The following CARMIL1 variants were observed in gnomAD, a reference collection of about 807,000 sequenced individuals.
CARMIL1 encodes F-actin-uncapping protein LRRC16A.
CARMIL1 carries 90 observed loss-of-function variants against 177.1 expected under a neutral mutation model. The ratio of observed to expected loss-of-function variants is 0.51; its 90% CI spans 0.43 to 0.61. CARMIL1 has a LOEUF of 0.61. CARMIL1 is among the 20% of genes least tolerant of loss of function. The pLI is 0.00. For missense variants in CARMIL1, 1,380 were observed against 1,667.0 expected (o/e 0.83, Z 3.00); for synonymous variants, 577 against 606.2 (o/e 0.95, Z 0.71).
chr6:25,517,576 T>C (rs756870472), intron 22 of CARMIL1, among the ~76,000 whole-genome samples, 161 bp downstream of exon 22: 14 of 152,232 alleles, frequency 9.2e-5, no homozygotes, highest in Admixed American at 2.0e-4. Context: ...TTGGAAGACA[T>C]TGAATTTCTC....
intron 2 of CARMIL1, among the ~76,000 whole-genome samples, chr6:25,318,571 T>C (rs1784444717): frequency 6.6e-6 from 1 of 152,150 alleles, no homozygotes; most frequent in Admixed American, 6.5e-5. Context: ...TCTTGTTCCC[T>C]TTTCTCTGCC....
Position 25,515,589 on chromosome 6 carries a change from C to A in CARMIL1, c.1633-86C>A. ...ATCAGACACGTGCAGTAGGTCCATC[C>A]CCTCTCATTCTCCACGAAATGCGTC... On this transcript the variant is annotated intron_variant, in intron 20 of 36. Transcript: ENST00000329474. The surrounding 1 kb of genome is among the most constrained non-coding windows in gnomAD (Gnocchi z 5.0). 7.9e-7 allele frequency: 1 copy of A among 1,259,810 alleles called. No individual in the cohort carries two copies. The highest frequency in any genetic ancestry group is 1.5e-5 in the South Asian group (1 of 64,710). The allele number at this position is 1,259,810 out of a possible 1,614,324, so 78.0% of individuals were successfully genotyped here. A position where few individuals can be genotyped will look rare whatever the true frequency, so the allele number is the denominator to read the frequency against.
chr6:25,342,080 G>A (rs1419639867), intron 2 of CARMIL1, among the ~76,000 whole-genome samples: 1 of 152,224 alleles, frequency 6.6e-6, no homozygotes, highest in East Asian at 1.9e-4. Context: ...TAGCTAGTGG[G>A]CAGCCCACAT....
chr6:25,515,017 A>G lies in CARMIL1; in HGVS notation c.1633-658A>G, dbSNP rs368692334. Among the ~76,000 whole-genome samples the G allele has an allele frequency of 1.1e-4, 16 of 152,298 alleles. No individual in the cohort carries two copies. Among genetic ancestry groups the G allele is most frequent in the East Asian group, 5.8e-4 (3 of 5,182 alleles). On this transcript the variant is annotated intron_variant, in intron 20 of 36. Transcript: ENST00000329474. This position sits in a 1 kb window ranked among gnomAD's most constrained non-coding sequence, Gnocchi z 5.0. Reference sequence around the variant, plus strand: ...GGAGATGTGGTATAGGGTTAGGAGCATGAAATCTGGAACCAGTACATCTGG... The same window carrying G: ...GGAGATGTGGTATAGGGTTAGGAGCGTGAAATCTGGAACCAGTACATCTGG...
chr6:25,609,220 A>C (rs536970942), intron 35 of CARMIL1, among the ~76,000 whole-genome samples: 1 of 151,980 alleles, frequency 6.6e-6, no homozygotes. Flanking sequence ...TAATCCCAAC[A>C]CTTTGGGAGG....
At position 25,577,228 on chromosome 6, in the gene CARMIL1, A is replaced by G; in HGVS notation, c.2743-3696A>G. On this transcript the variant is annotated intron_variant, in intron 29 of 36. Transcript: ENST00000329474. This position sits in a 1 kb window ranked among gnomAD's most constrained non-coding sequence, Gnocchi z 4.5. ...ATCTCCAGCCATGTGCCTGAAAGCA[A>G]GCAGAGTGTTGATGAAGAGGATACA... The G allele has an allele frequency of 1.8e-6, 1 of 571,128 alleles. No individual in the cohort carries two copies. The highest frequency in any genetic ancestry group is 2.2e-6 in the Non-Finnish European group (1 of 451,514). The allele number at this position is 571,128 out of a possible 1,614,324, so 35.4% of individuals were successfully genotyped here.
intron 2 of CARMIL1, among the ~76,000 whole-genome samples, chr6:25,362,077 A>G (rs1023009280): frequency 1.3e-5 from 2 of 152,202 alleles, no homozygotes; most frequent in Non-Finnish European, 1.5e-5. Flanking sequence ...AAAATGAACT[A>G]AGGCGGGTTC....
rs1395735117 is a variant in CARMIL1, at chr6:25,459,260, TTCTTTC to T, written c.615-6611_615-6606del. 4.6e-4 allele frequency among the ~76,000 whole-genome samples: 57 copies of T among 125,258 alleles called. 1 individual carries two copies. Among genetic ancestry groups the T allele is most frequent in the African/African-American group, 1.6e-3 (55 of 34,450 alleles). The allele number at this position is 125,258 out of a possible 152,430, so 82.2% of individuals were successfully genotyped here. A position where few individuals can be genotyped will look rare whatever the true frequency, so the allele number is the denominator to read the frequency against. ...TTTCTTTCTTTCTTTCTTTCTTTCT[TTCTTTC>T]TTTTTTTTTTTTTTAAGACAGGGTC... is the stretch of plus-strand genomic sequence containing the variant. On this transcript the variant is annotated intron_variant, in intron 8 of 36. Transcript: ENST00000329474.
intron 5 of CARMIL1, among the ~76,000 whole-genome samples, chr6:25,445,879 A>G (rs1798185374): frequency 6.6e-6 from 1 of 152,162 alleles, no homozygotes; most frequent in Non-Finnish European, 1.5e-5. Flanking sequence ...ATGGATATTG[A>G]ATTAGTAGGC....
chr6:25,406,930 G>A (rs559403706), intron 2 of CARMIL1, among the ~76,000 whole-genome samples: 20 of 149,572 alleles, frequency 1.3e-4, no homozygotes, highest in Non-Finnish European at 3.0e-4. Flanking sequence ...ATGGTAGCAG[G>A]GAATGGGGAT....
chr6:25,309,196 A>G (rs1046074022), intron 2 of CARMIL1, among the ~76,000 whole-genome samples: 2 of 152,064 alleles, frequency 1.3e-5, no homozygotes, highest in Non-Finnish European at 2.9e-5. Flanking sequence ...CCTCTCTCTT[A>G]AAACAACTTT....
chr6:25,539,910 C>G, intron 25 of CARMIL1, 37 bp from the exon 26 acceptor site: 14 of 1,454,388 alleles, frequency 9.6e-6, no homozygotes, highest in Non-Finnish European at 1.3e-5. Context: ...AAATATTTAC[C>G]CAATTCTAAA....
At chr6:25,420,887 G>T (rs1362127809) in intron 3 of CARMIL1, among the ~76,000 whole-genome samples, 1 of 152,164 alleles carries the variant, frequency 6.6e-6, no homozygotes, top group African/African-American at 2.4e-5. Context: ...AGGAAATTGA[G>T]ATCTTTTTCC....
Position 25,466,634 on chromosome 6 carries a change from C to T in CARMIL1, c.690+686C>T, listed in dbSNP as rs1478414565. 3.3e-5 allele frequency among the ~76,000 whole-genome samples: 5 copies of T among 152,090 alleles called. No homozygotes were observed. In the East Asian group the frequency reaches 9.6e-4, roughly 29 times the overall value. ...TTCCTGGAGACTCTCACGTTTAAGC[C>T]TCTAACTTTCAGAGGTCATAGAATC... On this transcript the variant is annotated intron_variant, in intron 9 of 36. Coordinates refer to ENST00000329474, the MANE Select transcript of CARMIL1 (RefSeq NM_017640.6).
chr6:25,608,980 A>G (rs1384776027), intron 35 of CARMIL1, among the ~76,000 whole-genome samples: 1 of 152,250 alleles, frequency 6.6e-6, no homozygotes. Context: ...TGCTGACACT[A>G]ACAATAGCTG....
At chr6:25,579,948 T>C (rs1419320487) in intron 29 of CARMIL1, among the ~76,000 whole-genome samples, 8 of 152,222 alleles carry the variant, frequency 5.3e-5, no homozygotes, top group African/African-American at 1.4e-4. Context: ...AATGAAAGTA[T>C]GCAAACTAAG....
Position 25,577,376 on chromosome 6 carries a change from TAGA to T in CARMIL1, c.2743-3546_2743-3544del, listed in dbSNP as rs1253470711. 3.3e-5 allele frequency among the ~76,000 whole-genome samples: 5 copies of T among 152,158 alleles called. No homozygotes were observed. Among genetic ancestry groups the T allele is most frequent in the African/African-American group, 1.2e-4 (5 of 41,440 alleles). ...ATTACTTGTTTCGGGCCCAGGGTTG[TAGA>T]AAATCGACATTATGATTTGCTTCTT... On this transcript the variant is annotated intron_variant, in intron 29 of 36. Transcript: ENST00000329474. This position sits in a 1 kb window ranked among gnomAD's most constrained non-coding sequence, Gnocchi z 4.5.
At chr6:25,508,368 C>T (rs7738307) in intron 17 of CARMIL1, among the ~76,000 whole-genome samples, 66,388 of 152,012 alleles carry the variant, frequency 0.44, 14,879 homozygotes, top group Middle Eastern at 0.52. Flanking sequence ...TAATACTCTA[C>T]TTCAGAGCTC....
intron 2 of CARMIL1, among the ~76,000 whole-genome samples, chr6:25,388,663 C>CT (rs1792429174): frequency 6.6e-6 from 1 of 151,968 alleles, no homozygotes; most frequent in Admixed American, 6.6e-5. Flanking sequence ...CGCACCTGGC[C>CT]TTTTTTTATT....
Sources: gnomAD v4.1 joint callset for allele counts (sites outside exome capture counted in the v4.1 genomes callset) on GRCh38, gnomAD v4.1.1 for gene constraint, Gnocchi (gnomAD v3.1) non-coding constraint, MANE v1.5 for transcripts, NCBI Gene and HGNC (gene_info 2026-07-23, HGNC 2026-07-21) for gene names.